GRIA2: variants seen among roughly 807,000 people sequenced by gnomAD.
The protein encoded by GRIA2 is glutamate ionotropic receptor AMPA type subunit 2.
GRIA2 carries 14 observed loss-of-function variants against 97.3 expected under a neutral mutation model. The ratio of observed to expected loss-of-function variants is 0.14; its 90% confidence interval spans 0.10 to 0.23. The LOEUF (loss-of-function observed/expected upper bound fraction) is 0.23. Ranked by LOEUF, GRIA2 falls within the 10% of genes least tolerant of loss-of-function variation. GRIA2 has a pLI of 1.00. For missense variants in GRIA2, 558 were observed against 1,069.8 expected, an observed-to-expected ratio of 0.52 and a Z score of 6.67; for synonymous variants, 412 against 387.8, an observed-to-expected ratio of 1.06 and a Z score of -0.73.
In GRIA2 at chr4:157,220,761, A is replaced by C. The variant is rs2126666984; in HGVS notation, c.-282A>C. The C allele has an allele frequency of 2.0e-6, 1 of 500,724 alleles. No homozygotes were observed. The highest frequency in any genetic ancestry group is 1.9e-5 in the African/African-American group (1 of 51,750). 31.0% of individuals were successfully genotyped at this position (500,724 alleles called of 1,614,324 possible). ...GTGAGTGCATGGGAGGGTGCTGAAT[A>C]TTCCGAGACACTGGGACCACAGCGG... is the stretch of plus-strand genomic sequence containing the variant. On this transcript the variant is annotated 5_prime_UTR_variant, in exon 1 of 16. Coordinates refer to ENST00000264426, the MANE Select transcript of GRIA2 (RefSeq NM_001083619.3).
intron 2 of GRIA2, among the ~76,000 whole-genome samples, chr4:157,252,653 A>G (rs1263212771): frequency 6.6e-6 from 1 of 152,142 alleles, no homozygotes; most frequent in Non-Finnish European, 1.5e-5. Flanking sequence ...TAAATGATCA[A>G]TGCATAATAT....
intron 2 of GRIA2, among the ~76,000 whole-genome samples, chr4:157,276,486 G>A (rs985743782): frequency 3.3e-5 from 5 of 151,776 alleles, no homozygotes; most frequent in Non-Finnish European, 5.9e-5. Context: ...ATAATGAAGA[G>A]CAAATAAAAC....
chr4:157,355,528 C>CA (rs200295414), intron 12 of GRIA2, among the ~76,000 whole-genome samples: 59,410 of 120,904 alleles, frequency 0.49, 16,251 homozygotes, highest in East Asian at 0.7. Context: ...GACTTCATGT[C>CA]AAAAAAAAAA....
chr4:157,276,753 A>G (rs938603670), intron 2 of GRIA2, among the ~76,000 whole-genome samples: 10 of 152,088 alleles, frequency 6.6e-5, no homozygotes, highest in African/African-American at 2.2e-4. Flanking sequence ...ATAGAGTCAT[A>G]CAATGAATAA....
intron 6 of GRIA2, among the ~76,000 whole-genome samples, chr4:157,324,279 G>T (rs1734710596): frequency 6.6e-6 from 1 of 152,144 alleles, no homozygotes; most frequent in Non-Finnish European, 1.5e-5. Flanking sequence ...TCTGTGAGGA[G>T]AATGTGTTTG....
At chr4:157,276,500 T>C (rs1254418366) in intron 2 of GRIA2, among the ~76,000 whole-genome samples, 1 of 151,494 alleles carries the variant, frequency 6.6e-6, no homozygotes, top group African/African-American at 2.4e-5. Flanking sequence ...ATAAAACTGA[T>C]GTAAGCAGGA....
intron 2 of GRIA2, among the ~76,000 whole-genome samples, chr4:157,276,008 CTTCCAT>C (rs1732292176): frequency 6.6e-6 from 1 of 152,080 alleles, no homozygotes; most frequent in Admixed American, 6.6e-5. Context: ...ATGGAATGTT[CTTCCAT>C]TTGTTTGTAT....
intron 2 of GRIA2, among the ~76,000 whole-genome samples, chr4:157,300,130 A>G (rs1377523071): frequency 1.3e-5 from 2 of 152,024 alleles, no homozygotes; most frequent in Non-Finnish European, 2.9e-5. Flanking sequence ...GGATGGATCA[A>G]AGTTAAGGAA....
intron 2 of GRIA2, among the ~76,000 whole-genome samples, chr4:157,263,212 T>C (rs557222729): frequency 1.3e-5 from 2 of 152,246 alleles, no homozygotes; most frequent in East Asian, 3.9e-4. Context: ...AGGCATTCTC[T>C]TTCCTTCTTT....
intron 4 of GRIA2, 61 bp from the exon 5 acceptor site, chr4:157,317,597 C>T: frequency 1.5e-6 from 1 of 675,292 alleles, no homozygotes. Flanking sequence ...ATCATAATAC[C>T]ATTAATTTTA....
At chr4:157,301,466 G>C (rs1428621125) in intron 2 of GRIA2, among the ~76,000 whole-genome samples, 1 of 152,160 alleles carries the variant, frequency 6.6e-6, no homozygotes, top group Non-Finnish European at 1.5e-5. Context: ...AGTCTGCTTT[G>C]TAGAAGATTG....
Position 157,346,945 on chromosome 4 carries a change from T to C in GRIA2, c.2043+5483T>C, listed in dbSNP as rs541732698. ...ACAGAACATCTGAGAAAGCACTGAATTGAAAAAGCATCCTAAATGTATTTA... is the reference window on the plus strand; with the variant it reads ...ACAGAACATCTGAGAAAGCACTGAACTGAAAAAGCATCCTAAATGTATTTA... On this transcript the variant is annotated intron_variant, in intron 12 of 15. Transcript: ENST00000264426. 6.6e-5 allele frequency among the ~76,000 whole-genome samples: 10 copies of C among 152,230 alleles called. No individual in the cohort carries two copies. In the South Asian group the frequency reaches 1.7e-3, roughly 25 times the overall value.
chr4:157,331,061 G>T (rs551111577), intron 6 of GRIA2, among the ~76,000 whole-genome samples: 1 of 152,028 alleles, frequency 6.6e-6, no homozygotes, highest in African/African-American at 2.4e-5. Flanking sequence ...TAAGCAAAAA[G>T]GAACTCTGGA....
At chr4:157,286,889 C>T (rs1732870953) in intron 2 of GRIA2, among the ~76,000 whole-genome samples, 1 of 151,598 alleles carries the variant, frequency 6.6e-6, no homozygotes, top group African/African-American at 2.4e-5. Flanking sequence ...TGATTACTCT[C>T]ACATTCATCT....
chr4:157,308,294 G>A (rs769754446), intron 3 of GRIA2, among the ~76,000 whole-genome samples: 3 of 152,064 alleles, frequency 2.0e-5, no homozygotes, highest in Non-Finnish European at 4.4e-5. Context: ...TTATGAATAG[G>A]TTATACAACT....
chr4:157,231,189 C>G (rs1579289653), intron 2 of GRIA2, among the ~76,000 whole-genome samples: 1 of 152,260 alleles, frequency 6.6e-6, no homozygotes, highest in East Asian at 1.9e-4. Context: ...CAGGTGCACA[C>G]CGCCACGCCT....
intron 12 of GRIA2, among the ~76,000 whole-genome samples, chr4:157,354,177 G>A (rs1387817562): frequency 6.6e-6 from 1 of 152,104 alleles, no homozygotes; most frequent in Non-Finnish European, 1.5e-5. Context: ...TTGACTTCAA[G>A]TATTTACCAT....
chr4:157,327,710 C>A (rs1560767967), intron 6 of GRIA2, among the ~76,000 whole-genome samples: 1 of 152,122 alleles, frequency 6.6e-6, no homozygotes, highest in South Asian at 2.1e-4. Context: ...CAACAATAAT[C>A]TGTGGCTGAC....
At chr4:157,344,294 T>C (rs1279297732) in intron 12 of GRIA2, among the ~76,000 whole-genome samples, 2 of 152,128 alleles carry the variant, frequency 1.3e-5, no homozygotes, top group African/African-American at 4.8e-5. Flanking sequence ...CTTGTTTCTA[T>C]TCCTAAAATT....
Sources: gnomAD v4.1 joint callset for allele counts (sites outside exome capture counted in the v4.1 genomes callset) on GRCh38, gnomAD v4.1.1 for gene constraint, MANE v1.5 for transcripts, NCBI Gene and HGNC (gene_info 2026-07-23, HGNC 2026-07-21) for gene names.